The following RPH3AL variants were observed in gnomAD, a reference collection of about 807,000 sequenced individuals.
RPH3AL encodes rab effector Noc2.
RPH3AL carries 38 observed loss-of-function variants against 43.1 expected under a neutral mutation model. The ratio of observed to expected loss-of-function variants is 0.88; its 90% CI spans 0.68 to 1.15. RPH3AL has a LOEUF of 1.15. Among genes scored for constraint, RPH3AL ranks in the 50% most tolerant of loss-of-function variants. RPH3AL has a pLI of 0.00. For synonymous variants in RPH3AL, 189 were observed against 176.3 expected, an observed-to-expected ratio of 1.07 and a Z score of -0.57; for missense variants, 462 against 423.2, an observed-to-expected ratio of 1.09 and a Z score of -0.81.
At chr17:251,633 C>A (rs578259034) in intron 6 of RPH3AL, among the ~76,000 whole-genome samples, 78 of 152,348 alleles carry the variant, frequency 5.1e-4, no homozygotes, top group African/African-American at 1.7e-3. Context: ...GAGAGGACTG[C>A]CTGACAGGAG....
intron 6 of RPH3AL, among the ~76,000 whole-genome samples, chr17:253,379 T>G (rs1178871194): frequency 6.6e-6 from 1 of 152,106 alleles, no homozygotes; most frequent in Non-Finnish European, 1.5e-5. Context: ...AGAGCTGCAT[T>G]CCCGCACACT....
chr17:348,535 GA>G (rs56974223), intron 1 of RPH3AL, among the ~76,000 whole-genome samples: 1,854 of 139,680 alleles, frequency 0.013, 47 homozygotes, highest in African/African-American at 0.044. Context: ...CACTGTTCAA[GA>G]AAAAAAAAAA....
intron 6 of RPH3AL, among the ~76,000 whole-genome samples, chr17:268,907 C>T (rs1162792862): frequency 6.6e-6 from 1 of 152,020 alleles, no homozygotes; most frequent in Non-Finnish European, 1.5e-5. Flanking sequence ...GAGACGGAGT[C>T]TCGCTCCGTC....
At chr17:270,515 G>C (rs1036285070) in intron 6 of RPH3AL, among the ~76,000 whole-genome samples, 6 of 152,100 alleles carry the variant, frequency 3.9e-5, no homozygotes, top group African/African-American at 1.4e-4. Context: ...ACCCCAGTGG[G>C]CTGCTGGTCA....
chr17:319,362 G>T (rs779012576), intron 5 of RPH3AL, 58 bp downstream of exon 5: 2 of 1,581,990 alleles, frequency 1.3e-6, no homozygotes, highest in Non-Finnish European at 8.6e-7. Context: ...AAGCCACAGC[G>T]CAGCGGGGCT....
At chr17:261,270 G>A (rs2042188991) in intron 6 of RPH3AL, among the ~76,000 whole-genome samples, 1 of 152,174 alleles carries the variant, frequency 6.6e-6, no homozygotes, top group South Asian at 2.1e-4. Context: ...ATGGACCTTG[G>A]GAAGGGAATT....
At chr17:314,190 G>T (rs769772378) in intron 5 of RPH3AL, among the ~76,000 whole-genome samples, 1 of 152,172 alleles carries the variant, frequency 6.6e-6, no homozygotes, top group African/African-American at 2.4e-5. Context: ...TGTCCCAGGG[G>T]AAGTGGGCCA....
At chr17:301,542 G>A (rs2043327406) in intron 5 of RPH3AL, among the ~76,000 whole-genome samples, 1 of 151,990 alleles carries the variant, frequency 6.6e-6, no homozygotes, top group Non-Finnish European at 1.5e-5. Flanking sequence ...TGGGCTCAAG[G>A]GATCCTCCTG....
At chr17:259,631 G>C (rs1042051463) in intron 6 of RPH3AL, among the ~76,000 whole-genome samples, 1 of 152,168 alleles carries the variant, frequency 6.6e-6, no homozygotes, top group Non-Finnish European at 1.5e-5. Context: ...GGCTCCCCAC[G>C]TGTGGTTTGC....
intron 7 of RPH3AL, among the ~76,000 whole-genome samples, chr17:241,340 G>A (rs1289913581): frequency 2.6e-5 from 4 of 152,096 alleles, no homozygotes; most frequent in Middle Eastern, 3.2e-3. Flanking sequence ...AGGCTGCAGC[G>A]AGCCATGATT....
chr17:321,455 G>A (rs369688317), intron 3 of RPH3AL, 40 bp from the exon 4 acceptor site: 169 of 1,519,706 alleles, frequency 1.1e-4, no homozygotes, highest in Middle Eastern at 3.5e-4. Flanking sequence ...AGGCCTCCCC[G>A]GTGCAAACTC....
chr17:247,422 T>TCAGCCAGGGAG, intron 6 of RPH3AL, 137 bp from the exon 7 acceptor site: 1 of 830,418 alleles, frequency 1.2e-6, no homozygotes, highest in Non-Finnish European at 1.8e-6. Context: ...CTGCCCTCCC[T>TCAGCCAGGGAG]GGCTGATGGG....
At chr17:229,532 G>A (rs2041180331) in intron 7 of RPH3AL, among the ~76,000 whole-genome samples, 2 of 152,218 alleles carry the variant, frequency 1.3e-5, no homozygotes, top group East Asian at 1.9e-4. Flanking sequence ...GACAAGCGCT[G>A]GGCAAGCAGC....
intron 4 of RPH3AL, 111 bp downstream of exon 4, chr17:321,161 C>T (rs987768452): frequency 2.6e-5 from 36 of 1,368,530 alleles, no homozygotes; most frequent in Middle Eastern, 2.6e-4. Context: ...CTCACCCACT[C>T]CCAGAGGTAA....
chr17:258,139 C>G (rs1204931869), intron 6 of RPH3AL, among the ~76,000 whole-genome samples: 1 of 152,206 alleles, frequency 6.6e-6, no homozygotes, highest in Non-Finnish European at 1.5e-5. Context: ...CACGTTTTGT[C>G]GTCTGTTCAT....
intron 5 of RPH3AL, among the ~76,000 whole-genome samples, chr17:311,633 G>C (rs1031744764): frequency 5.3e-5 from 8 of 152,204 alleles, no homozygotes; most frequent in Non-Finnish European, 8.8e-5. Context: ...GCTCACAATG[G>C]GCGAAGCGAT....
In RPH3AL at chr17:230,160, G is replaced by A. The variant is rs553843797; in HGVS notation, c.614-10424C>T. Among the ~76,000 whole-genome samples, 17 of 152,344 alleles carry A rather than the reference G, an allele frequency of 1.1e-4. No homozygotes were observed. The South Asian group carries it at 3.5e-3, about 32-fold the overall frequency. On this transcript the variant is annotated intron_variant, in intron 7 of 9. Transcript: ENST00000331302. Reference sequence around the variant, plus strand: ...ACAGGGCTGGGAATCCAGGTCTGGGGAGTGGAGGAGGGCGTCCTGCACTTG... The same window carrying A: ...ACAGGGCTGGGAATCCAGGTCTGGGAAGTGGAGGAGGGCGTCCTGCACTTG...
intron 1 of RPH3AL, among the ~76,000 whole-genome samples, chr17:347,296 C>T (rs2045256059): frequency 6.6e-6 from 1 of 152,096 alleles, no homozygotes; most frequent in South Asian, 2.1e-4. Flanking sequence ...AAAATAAAGC[C>T]AACCTGGGCA....
chr17:248,912 C>T (rs548592569), intron 6 of RPH3AL, among the ~76,000 whole-genome samples: 6 of 152,288 alleles, frequency 3.9e-5, no homozygotes, highest in East Asian at 1.9e-4. Context: ...CTGTCCCTTC[C>T]GCTCGAGGCT....
Sources: gnomAD v4.1 joint callset for allele counts (sites outside exome capture counted in the v4.1 genomes callset) on GRCh38, gnomAD v4.1.1 for gene constraint, MANE v1.5 for transcripts, NCBI Gene and HGNC (gene_info 2026-07-23, HGNC 2026-07-21) for gene names.